Variants in MIAT observed in about 807,000 individuals in gnomAD.
MIAT encodes MI related novel mRNA.
At chr22:26,661,927 T>TGGATCTATATAGATCC (rs1201529612) in intron 2 of MIAT, among the ~76,000 whole-genome samples, 265 of 21,330 alleles carry the variant, frequency 0.012, 1 homozygote, top group African/African-American at 0.015. Flanking sequence ...CATATATATA[T>TGGATCTATATAGATCC]ATATATATAT....
Position 26,667,333 on chromosome 22 carries a change from A to AGTGTGT in MIAT, n.2262+39_2262+44dup, listed in dbSNP as rs61442362. The AGTGTGT allele has an allele frequency of 5.2e-3, 2,039 of 389,908 alleles. 4 individuals carry two copies. Among genetic ancestry groups the AGTGTGT allele is most frequent in the East Asian group, 0.02 (554 of 27,184 alleles). 24.2% of individuals were successfully genotyped at this position (389,908 alleles called of 1,614,324 possible). Reference sequence around the variant, plus strand: ...GGGGTGAGCTCCTCGTCCTGGGAGCAGTGTGTGTGTGTGTGTGTGTGCGTG... The same window carrying AGTGTGT: ...GGGGTGAGCTCCTCGTCCTGGGAGCAGTGTGTGTGTGTGTGTGTGTGTGTGTGCGTG... On this transcript the variant is annotated intron_variant and non_coding_transcript_variant, in intron 5 of 5. Coordinates refer to ENST00000643270, the Ensembl canonical transcript of MIAT.
chr22:26,675,273 G>A (rs914010923), exon 5 of MIAT: 5 of 398,694 alleles, frequency 1.3e-5, no homozygotes, highest in Non-Finnish European at 1.8e-5. Context: ...GGATCAGAGA[G>A]GATCCAAAGA....
intron 2 of MIAT, among the ~76,000 whole-genome samples, chr22:26,659,600 G>T (rs1276273712): frequency 6.6e-6 from 1 of 151,970 alleles, no homozygotes. Flanking sequence ...CACTTTGGGA[G>T]GCTGGGGCGG....
At chr22:26,661,517 C>T (rs543111475) in intron 2 of MIAT, among the ~76,000 whole-genome samples, 3 of 152,156 alleles carry the variant, frequency 2.0e-5, no homozygotes, top group Admixed American at 6.5e-5. Context: ...ACTTTGTTAC[C>T]GTTTACCAAG....
downstream of MIAT, chr22:26,673,337 G>T (rs1931133087): frequency 5.0e-6 from 2 of 398,818 alleles, no homozygotes. Flanking sequence ...GTTTCTTTGG[G>T]CTAATCTCTG....
chr22:26,663,525 G>A, intron 3 of MIAT: 1 of 393,982 alleles, frequency 2.5e-6, no homozygotes, highest in Non-Finnish European at 4.5e-6. Context: ...AGAGACTTCT[G>A]ATGACCCTCT....
intron 2 of MIAT, among the ~76,000 whole-genome samples, chr22:26,648,789 C>T (rs1033051211): frequency 6.6e-6 from 1 of 152,122 alleles, no homozygotes; most frequent in Non-Finnish European, 1.5e-5. Flanking sequence ...GCACTGCAGA[C>T]AGTGTTGGTG....
chr22:26,671,146 C>T (rs1602372702), downstream of MIAT: 1 of 398,516 alleles, frequency 2.5e-6, no homozygotes, highest in East Asian at 3.6e-5. Context: ...TGACCAGAAC[C>T]AGGCAGGGGG....
downstream of MIAT, chr22:26,672,009 C>T (rs1931063437): frequency 2.5e-6 from 1 of 399,034 alleles, no homozygotes. Context: ...GCTTTCTTTT[C>T]TGTAGGCAGC....
chr22:26,672,528 A>G, downstream of MIAT: 1 of 399,308 alleles, frequency 2.5e-6, no homozygotes, highest in Non-Finnish European at 4.4e-6. Flanking sequence ...CTGGGACGTG[A>G]GTGTGGAGGC....
chr22:26,667,459 G>T, intron 5 of MIAT: 1 of 394,234 alleles, frequency 2.5e-6, no homozygotes, highest in East Asian at 3.6e-5. Flanking sequence ...GGGGGTGGTG[G>T]TGTGCAGAGA....
chr22:26,661,616 G>C (rs867472468), intron 2 of MIAT, among the ~76,000 whole-genome samples: 56 of 152,048 alleles, frequency 3.7e-4, no homozygotes, highest in African/African-American at 1.3e-3. Context: ...GAGGTGAAGT[G>C]ATGAGCCCAG....
chr22:26,649,905 C>T lies in MIAT; in HGVS notation n.646+2594C>T, dbSNP rs886957476. On this transcript the variant is annotated intron_variant and non_coding_transcript_variant, in intron 2 of 5. Coordinates refer to ENST00000643270, the Ensembl canonical transcript of MIAT. ...TCCAGCCTGGCAACAGAGCGAGACT[C>T]CGTCTCAAAAAAAAAAGTGAGTGGA... is the stretch of plus-strand genomic sequence containing the variant. 8.4e-4 allele frequency among the ~76,000 whole-genome samples: 126 copies of T among 150,458 alleles called. 1 individual carries two copies. The highest frequency in any genetic ancestry group is 3.5e-3 in the Middle Eastern group (1 of 288).
intron 2 of MIAT, among the ~76,000 whole-genome samples, chr22:26,649,073 T>C (rs559040174): frequency 6.6e-6 from 1 of 152,168 alleles, no homozygotes; most frequent in Admixed American, 6.5e-5. Context: ...TCATATTTCA[T>C]ACTAATGTGA....
chr22:26,666,216 A>C (rs988061193), exon 4 of MIAT: 8 of 398,482 alleles, frequency 2.0e-5, no homozygotes, highest in Admixed American at 1.3e-4. Flanking sequence ...AGTTGTTACC[A>C]AAAACAAAAC....
At chr22:26,649,229 T>A (rs1471746241) in intron 2 of MIAT, among the ~76,000 whole-genome samples, 1 of 152,106 alleles carries the variant, frequency 6.6e-6, no homozygotes, top group Non-Finnish European at 1.5e-5. Context: ...AGGGTTGAAG[T>A]TCCCTACCCA....
chr22:26,663,999 G>T (rs2146010553), intron 3 of MIAT, among the ~76,000 whole-genome samples: 5 of 124,216 alleles, frequency 4.0e-5, no homozygotes, highest in Admixed American at 2.6e-4. Flanking sequence ...AAGCTTCTGT[G>T]TTCAGCTTTT....
At chr22:26,673,371 C>T (rs954691527), downstream of MIAT, 7 of 398,952 alleles carry the variant, frequency 1.8e-5, no homozygotes, top group Non-Finnish European at 3.1e-5. Context: ...AACTCTTGCT[C>T]TCACCCAGCT....
chr22:26,661,717 A>G (rs1455309471), intron 2 of MIAT, among the ~76,000 whole-genome samples: 6 of 151,684 alleles, frequency 4.0e-5, no homozygotes, highest in African/African-American at 1.5e-4. Context: ...ACACTATGCC[A>G]CTCTCCTAAA....
Sources: gnomAD v4.1 joint callset for allele counts (sites outside exome capture counted in the v4.1 genomes callset) on GRCh38, gnomAD v4.1.1 for gene constraint, MANE v1.5 for transcripts, NCBI Gene and HGNC (gene_info 2026-07-23, HGNC 2026-07-21) for gene names.